ZNF316: variants seen among roughly 807,000 people sequenced by gnomAD.
ZNF316 encodes the protein zinc finger protein 316.
Under a neutral mutation model 75.6 loss-of-function variants are expected in ZNF316, and 23 were observed. The observed-to-expected ratio is 0.30, with a 90% CI of 0.22 to 0.43. ZNF316 has a LOEUF of 0.43. Ranked by LOEUF, ZNF316 falls within the 20% of genes least tolerant of loss-of-function variation. The probability of loss-of-function intolerance (pLI) is 1.00; values close to 1 mark genes in which losing one functional copy is unlikely to be tolerated. For synonymous variants in ZNF316, 827 were observed against 666.2 expected (o/e 1.24, Z -3.72); for missense variants, 1,266 against 1,409.4 (o/e 0.90, Z 1.63).
rs908238290 is a variant in ZNF316, at chr7:6,639,585, A to G, written c.-167+444A>G. On this transcript the variant is annotated intron_variant, in intron 3 of 8. Transcript: ENST00000382252. The surrounding 1 kb of genome is among the most constrained non-coding windows in gnomAD (Gnocchi z 4.2). ...GATGAACATGCAGCCACTTTATTCC[A>G]AAGCTGTGAAGTGTTCTTCTGTTGT... Among the ~76,000 whole-genome samples the G allele has an allele frequency of 1.3e-5, 2 of 152,196 alleles. No individual in the cohort carries two copies. Among genetic ancestry groups the G allele is most frequent in the African/African-American group, 4.8e-5 (2 of 41,454 alleles).
Position 6,654,369 on chromosome 7 carries a change from T to C in ZNF316, c.2773T>C (p.Ser925Pro). The change falls in exon 9 of 9, where the codon TCG (serine) becomes CCG (proline). Residue 925 changes from serine (S) to proline (P), a missense_variant. Around this residue, in one of 3 missense-constraint regions of ZNF316, gnomAD observed 194 missense variants for 319.2 expected, o/e 0.61. Coordinates refer to ENST00000382252, the MANE Select transcript of ZNF316 (RefSeq NM_001278559.2). ...CTGCGCCAACTGCGGCCGCCGCTTC[T>C]CGCAGAGCTCGCACTTGCTCACCCA... Reference protein sequence around the residue: ...YACANCGRRFSQSSHLLTHMK... With the variant: ...YACANCGRRFPQSSHLLTHMK... The C allele has an allele frequency of 8.2e-7, 1 of 1,219,062 alleles. No individual in the cohort carries two copies. Among genetic ancestry groups the C allele is most frequent in the Non-Finnish European group, 1.0e-6 (1 of 979,790 alleles). The allele number at this position is 1,219,062 out of a possible 1,614,324, so 75.5% of individuals were successfully genotyped here. A position where few individuals can be genotyped will look rare whatever the true frequency, so the allele number is the denominator to read the frequency against.
chr7:6,647,428 G>A (rs1242760614), intron 8 of ZNF316, among the ~76,000 whole-genome samples: 6 of 152,246 alleles, frequency 3.9e-5, no homozygotes, highest in South Asian at 2.1e-4. Flanking sequence ...GGACTTGGGC[G>A]TGTCACCCTT....
Position 6,637,633 on chromosome 7 carries a change from C to T in ZNF316, c.-431+186C>T, listed in dbSNP as rs1412318821. ...CGGAGCGGAACGCGGGTAGGGACTT[C>T]CGCGGCAGCGCCCCCGCCTCCCGGA... On this transcript the variant is annotated intron_variant, in intron 1 of 8. Coordinates refer to ENST00000382252, the MANE Select transcript of ZNF316 (RefSeq NM_001278559.2). The surrounding 1 kb of genome is among the most constrained non-coding windows in gnomAD (Gnocchi z 6.2). Among the ~76,000 whole-genome samples the T allele has an allele frequency of 2.0e-5, 3 of 150,220 alleles. No homozygotes were observed. In the South Asian group the frequency reaches 6.2e-4, roughly 31 times the overall value.
rs909703985 is a variant in ZNF316 at position 6,653,630 on chromosome 7, G to T, written c.2034G>T (p.Glu678Asp). 3 of 1,062,194 alleles carry T rather than the reference G, an allele frequency of 2.8e-6. No individual in the cohort carries two copies. The highest frequency in any genetic ancestry group is 1.7e-5 in the African/African-American group (1 of 57,922). 65.8% of individuals were successfully genotyped at this position (1,062,194 alleles called of 1,614,324 possible). A position where few individuals can be genotyped will look rare whatever the true frequency, so the allele number is the denominator to read the frequency against. ...FGPAIGGLLA[E>D]PAPAALAEEE... ...CCGCCATCGGGGGTCTGCTGGCGGA[G>T]CCCGCGCCGGCCGCGCTGGCGGAGG... Residue 678 changes from glutamate to aspartate, a missense_variant, in exon 9 of 9, where the codon GAG becomes GAT. Physicochemically the swap from Glu to Asp is conservative, Grantham distance 45 (BLOSUM62 2). This residue lies in a region of ZNF316 where 961 missense variants were observed against 990.9 expected (regional missense o/e 0.97). Coordinates refer to ENST00000382252, the MANE Select transcript of ZNF316 (RefSeq NM_001278559.2).
At chr7:6,650,882 C>T (rs1779495765) in intron 8 of ZNF316, among the ~76,000 whole-genome samples, 2 of 152,156 alleles carry the variant, frequency 1.3e-5, no homozygotes, top group African/African-American at 2.4e-5. Context: ...ACACCAGTTC[C>T]CTCCTGGGTG....
chr7:6,645,871 G>A (rs1375930110), intron 8 of ZNF316, among the ~76,000 whole-genome samples: 4 of 151,470 alleles, frequency 2.6e-5, no homozygotes, highest in South Asian at 4.2e-4. Flanking sequence ...GTGCGCGCCT[G>A]TAGTCCCAGC....
chr7:6,654,383 C>T lies in ZNF316; in HGVS notation c.2787C>T (p.His929=), dbSNP rs922423921. 52 of 1,217,898 alleles carry T rather than the reference C, an allele frequency of 4.3e-5. No homozygotes were observed. Among genetic ancestry groups the T allele is most frequent in the Non-Finnish European group, 5.0e-5 (49 of 979,140 alleles). The allele number at this position is 1,217,898 out of a possible 1,614,324, so 75.4% of individuals were successfully genotyped here. The change falls in exon 9 of 9, where the codon CAC becomes CAT. Residue 929 remains histidine, a synonymous_variant. Transcript: ENST00000382252. ...NCGRRFSQSS[H]LLTHMKTHRG... is the part of the protein sequence containing the mutation. ...GCCGCCGCTTCTCGCAGAGCTCGCA[C>T]TTGCTCACCCACATGAAGACGCACC...
intron 8 of ZNF316, among the ~76,000 whole-genome samples, chr7:6,645,991 C>G (rs934102605): frequency 1.7e-5 from 1 of 58,326 alleles, no homozygotes; most frequent in African/African-American, 8.7e-5. Flanking sequence ...GAGACGCCAT[C>G]TCAAAAAAAA....
In ZNF316 at chr7:6,654,424, C is replaced by T. The variant is rs140137220; in HGVS notation, c.2828C>T (p.Ala943Val). The T allele has an allele frequency of 3.6e-4, 433 of 1,209,256 alleles. 2 individuals are homozygous for T. Among genetic ancestry groups the T allele is most frequent in the Non-Finnish European group, 4.3e-4 (420 of 973,774 alleles). The allele number at this position is 1,209,256 out of a possible 1,614,324, so 74.9% of individuals were successfully genotyped here. Residue 943 changes from alanine to valine, a missense_variant, in exon 9 of 9, where the codon GCG becomes GTG. This residue lies in a region of ZNF316 where 111 missense variants were observed against 99.2 expected (regional missense o/e 1.12). Transcript: ENST00000382252. Reference sequence around the variant, plus strand: ...AAGACGCACCGCGGAGCCACCGCAGCGCCGGGCTCGGGTTCGGCCCCAGCC... The same window carrying T: ...AAGACGCACCGCGGAGCCACCGCAGTGCCGGGCTCGGGTTCGGCCCCAGCC... ...HMKTHRGATA[A>V]PGSGSAPAPA...
rs1016905420 is a variant in ZNF316, at chr7:6,640,834, TAA to T, written c.-166-988_-166-987del. On this transcript the variant is annotated intron_variant, in intron 3 of 8. Coordinates refer to ENST00000382252, the MANE Select transcript of ZNF316 (RefSeq NM_001278559.2). The surrounding 1 kb of genome is among the most constrained non-coding windows in gnomAD (Gnocchi z 5.1). ...CAGTTCACAAGAGATCTGGTTGTTTTAAAAGAGTGGGGCTTCCTCCCTCTCTC... is the reference window on the plus strand; with the variant it reads ...CAGTTCACAAGAGATCTGGTTGTTTTAAGAGTGGGGCTTCCTCCCTCTCTC... Among the ~76,000 whole-genome samples the T allele has an allele frequency of 1.3e-4, 20 of 152,316 alleles. No homozygotes were observed. The highest frequency in any genetic ancestry group is 4.8e-4 in the African/African-American group (20 of 41,572).
chr7:6,648,262 C>T (rs1277838485), intron 8 of ZNF316, among the ~76,000 whole-genome samples: 7 of 152,136 alleles, frequency 4.6e-5, no homozygotes, highest in Non-Finnish European at 8.8e-5. Flanking sequence ...AGGCAGCCTG[C>T]CCCCGGGGCA....
intron 8 of ZNF316, among the ~76,000 whole-genome samples, chr7:6,651,369 A>G (rs980629024): frequency 7.1e-6 from 1 of 141,382 alleles, no homozygotes; most frequent in African/African-American, 2.7e-5. Context: ...ACAAAATAAA[A>G]AAAGGCTGGG....
At chr7:6,647,173 C>T (rs1042333822) in intron 8 of ZNF316, among the ~76,000 whole-genome samples, 5 of 152,192 alleles carry the variant, frequency 3.3e-5, no homozygotes, top group Non-Finnish European at 5.9e-5. Context: ...GAGATGGACC[C>T]CCTCAGCCAC....
rs1779641890 is a variant in ZNF316, at chr7:6,657,143, G to A, written c.*2532G>A. Among the ~76,000 whole-genome samples, 1 of 151,910 alleles carries A rather than the reference G, an allele frequency of 6.6e-6. No individual in the cohort carries two copies. Among genetic ancestry groups the A allele is most frequent in the South Asian group, 2.1e-4 (1 of 4,810 alleles). On this transcript the variant is annotated 3_prime_UTR_variant, in exon 9 of 9. Transcript: ENST00000382252. ...CGAGTAGCTGGGATTACAGGCATGTGCCACCATGCCCAGCGAGTTTTTTTG... is the reference window on the plus strand; with the variant it reads ...CGAGTAGCTGGGATTACAGGCATGTACCACCATGCCCAGCGAGTTTTTTTG...
At position 6,653,636 on chromosome 7, in the gene ZNF316, G is replaced by T; in HGVS notation, c.2040G>T (p.Ala680=). ...TCGGGGGTCTGCTGGCGGAGCCCGC[G>T]CCGGCCGCGCTGGCGGAGGAGGAGA... ...PAIGGLLAEP[A]PAALAEEESP... The change falls in exon 9 of 9, where the codon GCG becomes GCT. Residue 680 remains alanine, a synonymous_variant. Transcript: ENST00000382252. 1 of 1,064,032 alleles carries T rather than the reference G, an allele frequency of 9.4e-7. No individual in the cohort carries two copies. Among genetic ancestry groups the T allele is most frequent in the Middle Eastern group, 4.4e-4 (1 of 2,284 alleles). The allele number at this position is 1,064,032 out of a possible 1,614,324, so 65.9% of individuals were successfully genotyped here.
At position 6,654,408 on chromosome 7, in the gene ZNF316, C is replaced by T. The variant is rs1779577443; in HGVS notation, c.2812C>T (p.Arg938Cys). Residue 938 changes from arginine to cysteine, a missense_variant, in exon 9 of 9, where the codon CGC becomes TGC. By Grantham distance (180) the Arg-to-Cys change is radical. This residue lies in a region of ZNF316 where 111 missense variants were observed against 99.2 expected (regional missense o/e 1.12). Coordinates refer to ENST00000382252, the MANE Select transcript of ZNF316 (RefSeq NM_001278559.2). The part of the protein sequence containing the change: ...SHLLTHMKTH[R>C]GATAAPGSGS... The stretch of plus-strand genomic sequence containing the variant: ...CTTGCTCACCCACATGAAGACGCAC[C>T]GCGGAGCCACCGCAGCGCCGGGCTC... 8.2e-7 allele frequency: 1 copy of T among 1,213,004 alleles called. No individual in the cohort carries two copies. The highest frequency in any genetic ancestry group is 1.0e-6 in the Non-Finnish European group (1 of 976,142). 75.1% of individuals were successfully genotyped at this position (1,213,004 alleles called of 1,614,324 possible). A position where few individuals can be genotyped will look rare whatever the true frequency, so the allele number is the denominator to read the frequency against.
rs901840743 is a variant in ZNF316 at position 6,657,435 on chromosome 7, C to T, written c.*2824C>T. ...AGAAATTCAAGGCCAACCTGGGCAA[C>T]GTATCAAGACTCCATGTCTGAAACA... On this transcript the variant is annotated 3_prime_UTR_variant, in exon 9 of 9. Coordinates refer to ENST00000382252, the MANE Select transcript of ZNF316 (RefSeq NM_001278559.2). Among the ~76,000 whole-genome samples the T allele has an allele frequency of 4.0e-5, 6 of 150,826 alleles. No individual in the cohort carries two copies. The highest frequency in any genetic ancestry group is 1.2e-4 in the African/African-American group (5 of 40,932).
At chr7:6,645,881 C>T (rs916263344) in intron 8 of ZNF316, among the ~76,000 whole-genome samples, 1 of 150,464 alleles carries the variant, frequency 6.6e-6, no homozygotes, top group African/African-American at 2.4e-5. Flanking sequence ...GTAGTCCCAG[C>T]TACTTGGGAG....
intron 8 of ZNF316, among the ~76,000 whole-genome samples, chr7:6,651,344 G>A (rs1024932980): frequency 6.7e-6 from 1 of 149,308 alleles, no homozygotes; most frequent in Non-Finnish European, 1.5e-5. Context: ...GCTCAATTCC[G>A]TCTCAAAAAA....
Sources: allele counts gnomAD v4.1 joint callset (sites outside exome capture counted in the v4.1 genomes callset), GRCh38; gene constraint gnomAD v4.1.1; regional missense constraint gnomAD v4.1.1; non-coding constraint Gnocchi (gnomAD v3.1); transcripts MANE v1.5; gene names NCBI Gene and HGNC (gene_info 2026-07-23, HGNC 2026-07-21).